HFM1: variants seen among roughly 807,000 people sequenced by gnomAD.
The protein encoded by HFM1 is probable ATP-dependent DNA helicase HFM1.
In HFM1, 169 loss-of-function variants were observed where a neutral mutation model predicts 192.1. The ratio of observed to expected loss-of-function variants is 0.88; its 90% confidence interval spans 0.78 to 1.00. The LOEUF (loss-of-function observed/expected upper bound fraction) is 1.00, where lower values mean the gene tolerates loss of function less well. Among genes scored for constraint, HFM1 ranks in the 50% least tolerant of loss-of-function variants. HFM1 has a pLI of 0.00. For synonymous variants in HFM1, 525 were observed against 537.8 expected (o/e 0.98, Z 0.33); for missense variants, 1,661 against 1,668.0 (o/e 1.00, Z 0.07).
chr1:91,324,569 T>C, intron 21 of HFM1, 106 bp downstream of exon 21: 1 of 630,308 alleles, frequency 1.6e-6, no homozygotes, highest in South Asian at 2.0e-5. Flanking sequence ...CTTTCTTTTC[T>C]GCTCATTCAT....
At chr1:91,395,851 CTTT>C (rs1452773500) in intron 3 of HFM1, among the ~76,000 whole-genome samples, 2 of 139,636 alleles carry the variant, frequency 1.4e-5, no homozygotes, top group Non-Finnish European at 1.6e-5. Context: ...CAGTTTATTA[CTTT>C]TTTTTTTTTT....
intron 20 of HFM1, chr1:91,328,912 C>T (rs17556716): frequency 0.087 from 140,584 of 1,610,536 alleles, 6,868 homozygotes; most frequent in Middle Eastern, 0.12. Flanking sequence ...CTGTGGCTAC[C>T]GAGGACATGG....
At chr1:91,395,265 T>C (rs755683018) in intron 3 of HFM1, among the ~76,000 whole-genome samples, 1 of 152,050 alleles carries the variant, frequency 6.6e-6, no homozygotes, top group Admixed American at 6.6e-5. Flanking sequence ...CTTTAGGAAA[T>C]GGCAAGGCAA....
chr1:91,370,313 C>T lies in HFM1; in HGVS notation c.1685+5045G>A, dbSNP rs575481481. On this transcript the variant is annotated intron_variant, in intron 13 of 38. Coordinates refer to ENST00000370425, the MANE Select transcript of HFM1 (RefSeq NM_001017975.6). The stretch of plus-strand genomic sequence containing the variant: ...AAAAGAGAATTTTAGACCAATATCC[C>T]TGATGAACATCGATGCAAAAATCCT... Among the ~76,000 whole-genome samples, 437 of 152,240 alleles carry T rather than the reference C, an allele frequency of 2.9e-3. 4 individuals are homozygous for T. Among genetic ancestry groups the T allele is most frequent in the African/African-American group, 9.9e-3 (412 of 41,540 alleles).
At chr1:91,392,467 ACCAT>A (rs1289873328) in intron 4 of HFM1, among the ~76,000 whole-genome samples, 1 of 152,166 alleles carries the variant, frequency 6.6e-6, no homozygotes, top group South Asian at 2.1e-4. Context: ...GAATCTGGAA[ACCAT>A]CATTCTGAGC....
At chr1:91,404,761 C>T (rs553617857) in intron 1 of HFM1, 37 bp downstream of exon 1, 2 of 430,908 alleles carry the variant, frequency 4.6e-6, no homozygotes, top group Non-Finnish European at 4.7e-6. Context: ...GCCCCCGTCC[C>T]CACCTTCCCC....
At chr1:91,294,048 G>T (rs1388243135) in intron 30 of HFM1, among the ~76,000 whole-genome samples, 2 of 132,502 alleles carry the variant, frequency 1.5e-5, no homozygotes, top group Admixed American at 8.2e-5. Context: ...GGGGACTGTG[G>T]TGGGGTGGGG....
At chr1:91,290,169 C>T (rs888005305) in intron 30 of HFM1, among the ~76,000 whole-genome samples, 1 of 152,060 alleles carries the variant, frequency 6.6e-6, no homozygotes, top group African/African-American at 2.4e-5. Flanking sequence ...CAGCTAACAT[C>T]ATAATGACAG....
intron 13 of HFM1, among the ~76,000 whole-genome samples, chr1:91,359,501 ATC>A (rs1294529686): frequency 6.6e-6 from 1 of 151,826 alleles, no homozygotes; most frequent in African/African-American, 2.4e-5. Flanking sequence ...GGAGGAAAGA[ATC>A]TCTGAGCTAG....
intron 13 of HFM1, among the ~76,000 whole-genome samples, chr1:91,372,819 T>C (rs192291834): frequency 5.8e-4 from 88 of 152,352 alleles, no homozygotes; most frequent in Non-Finnish European, 1.2e-3. Flanking sequence ...GGTATTCTTA[T>C]TAGCAATAAT....
intron 19 of HFM1, among the ~76,000 whole-genome samples, chr1:91,346,900 A>T (rs112220677): frequency 1.5e-4 from 23 of 152,304 alleles, no homozygotes; most frequent in African/African-American, 5.3e-4. Context: ...AGGTAGTAGG[A>T]TAACTTGAGG....
intron 30 of HFM1, among the ~76,000 whole-genome samples, chr1:91,283,907 G>A (rs1004968898): frequency 5.9e-5 from 9 of 151,956 alleles, no homozygotes; most frequent in Middle Eastern, 3.4e-3. Context: ...GAAGCTACTG[G>A]AGTATTTTTT....
intron 13 of HFM1, among the ~76,000 whole-genome samples, chr1:91,374,246 T>C (rs1044371678): frequency 6.6e-6 from 1 of 151,830 alleles, no homozygotes; most frequent in Non-Finnish European, 1.5e-5. Flanking sequence ...TCTGGAGAAT[T>C]GGCTAGGCAT....
chr1:91,385,533 T>G (rs1244742516), intron 5 of HFM1, 42 bp downstream of exon 5: 2 of 1,493,264 alleles, frequency 1.3e-6, no homozygotes, highest in Non-Finnish European at 9.1e-7. Context: ...AAATGTGGTT[T>G]AGTCTGTACT....
chr1:91,319,655 C>A (rs374480527), intron 23 of HFM1, among the ~76,000 whole-genome samples: 496 of 152,126 alleles, frequency 3.3e-3, no homozygotes, highest in Non-Finnish European at 4.2e-3. Flanking sequence ...GATCTCATTT[C>A]TTCTCAGACT....
intron 30 of HFM1, among the ~76,000 whole-genome samples, chr1:91,299,434 C>G (rs952113325): frequency 6.6e-6 from 1 of 152,174 alleles, no homozygotes; most frequent in African/African-American, 2.4e-5. Flanking sequence ...CCAACCGGAC[C>G]TAATAGACAT....
chr1:91,274,872 G>T, intron 32 of HFM1, 63 bp from the exon 33 acceptor site: 1 of 750,782 alleles, frequency 1.3e-6, no homozygotes, highest in East Asian at 2.7e-5. Context: ...TAACACATGA[G>T]CCAAACAACA....
At chr1:91,371,003 A>G (rs1441846852) in intron 13 of HFM1, among the ~76,000 whole-genome samples, 2 of 151,838 alleles carry the variant, frequency 1.3e-5, no homozygotes, top group Non-Finnish European at 1.5e-5. Context: ...TGCTTCAAAG[A>G]GAATAAAATA....
At chr1:91,319,504 C>A in intron 23 of HFM1, 114 bp from the exon 24 acceptor site, 1 of 649,286 alleles carries the variant, frequency 1.5e-6, no homozygotes, top group Non-Finnish European at 2.7e-6. Context: ...TTAATTTCTG[C>A]AATACTACAT....
Sources: allele counts gnomAD v4.1 joint callset (sites outside exome capture counted in the v4.1 genomes callset), GRCh38; gene constraint gnomAD v4.1.1; transcripts MANE v1.5; gene names NCBI Gene and HGNC (gene_info 2026-07-23, HGNC 2026-07-21).